The following TPST1 variants were observed in gnomAD, a reference collection of about 807,000 sequenced individuals.
The protein encoded by TPST1 is protein-tyrosine sulfotransferase 1.
TPST1 carries 20 observed loss-of-function variants against 34.8 expected under a neutral mutation model. The observed-to-expected ratio is 0.57, with a 90% CI of 0.40 to 0.84. The LOEUF is 0.84. Ranked by LOEUF, TPST1 falls within the 40% of genes least tolerant of loss-of-function variation. TPST1 has a pLI of 0.00. For missense variants in TPST1, 353 were observed against 455.5 expected, an observed-to-expected ratio of 0.78 and a Z score of 2.05; for synonymous variants, 152 against 159.4, an observed-to-expected ratio of 0.95 and a Z score of 0.35.
At chr7:66,233,828 G>T (rs1208849881) in intron 1 of TPST1, among the ~76,000 whole-genome samples, 1 of 152,040 alleles carries the variant, frequency 6.6e-6, no homozygotes, top group Non-Finnish European at 1.5e-5. Context: ...TTTCCCTCTT[G>T]GTCACTGCCT....
chr7:66,317,265 G>A (rs556657596), intron 3 of TPST1, among the ~76,000 whole-genome samples: 1 of 151,700 alleles, frequency 6.6e-6, no homozygotes, highest in Admixed American at 6.6e-5. Flanking sequence ...TTTTGGTGGG[G>A]GGTTTGCTTA....
chr7:66,236,939 T>C (rs1789923559), intron 1 of TPST1, among the ~76,000 whole-genome samples: 1 of 152,186 alleles, frequency 6.6e-6, no homozygotes, highest in Non-Finnish European at 1.5e-5. Context: ...AGTAAGGCAT[T>C]TGTCCTCTGC....
chr7:66,204,609 AC>A (rs1789082675), upstream of TPST1, among the ~76,000 whole-genome samples: 2 of 152,108 alleles, frequency 1.3e-5, no homozygotes, highest in Admixed American at 6.5e-5. Context: ...CTTTGACAGA[AC>A]CTGGTGTAGA....
intron 3 of TPST1, among the ~76,000 whole-genome samples, chr7:66,323,580 A>G (rs920990788): frequency 5.9e-5 from 9 of 152,242 alleles, no homozygotes; most frequent in Non-Finnish European, 1.2e-4. Context: ...CATCGAAACT[A>G]AAAACTTTTG....
intron 3 of TPST1, among the ~76,000 whole-genome samples, chr7:66,303,450 C>T (rs1266533224): frequency 1.0e-5 from 1 of 97,658 alleles, no homozygotes; most frequent in Non-Finnish European, 2.2e-5. Flanking sequence ...CATTCTGTCA[C>T]CCAGGCTGGA....
intron 3 of TPST1, among the ~76,000 whole-genome samples, chr7:66,350,756 C>T (rs1792460568): frequency 2.0e-5 from 3 of 152,150 alleles, no homozygotes; most frequent in South Asian, 4.2e-4. Flanking sequence ...GTTACAATCG[C>T]GATTCCGGTG....
At chr7:66,294,563 T>A (rs1267165060) in intron 3 of TPST1, among the ~76,000 whole-genome samples, 1 of 151,412 alleles carries the variant, frequency 6.6e-6, no homozygotes, top group Admixed American at 6.6e-5. Flanking sequence ...GAGGGCAAAT[T>A]AAAAAAAACA....
chr7:66,318,600 C>T (rs1791684860), intron 3 of TPST1, among the ~76,000 whole-genome samples: 1 of 151,916 alleles, frequency 6.6e-6, no homozygotes, highest in Non-Finnish European at 1.5e-5. Flanking sequence ...CCGAGTAGCT[C>T]CTACTACAGG....
intron 3 of TPST1, among the ~76,000 whole-genome samples, chr7:66,331,543 AT>A (rs1714971773): frequency 6.6e-6 from 1 of 152,206 alleles, no homozygotes; most frequent in South Asian, 2.1e-4. Context: ...TCACTTCTGC[AT>A]TTGATCACAT....
intron 3 of TPST1, among the ~76,000 whole-genome samples, chr7:66,342,003 G>T (rs1792248360): frequency 6.6e-6 from 1 of 152,086 alleles, no homozygotes; most frequent in South Asian, 2.1e-4. Context: ...GAAAAGATAA[G>T]AAACTTAGAA....
chr7:66,282,233 C>T (rs1276034020), intron 2 of TPST1, among the ~76,000 whole-genome samples: 1 of 152,154 alleles, frequency 6.6e-6, no homozygotes, highest in Non-Finnish European at 1.5e-5. Flanking sequence ...GAAAATTAGG[C>T]TCTCAGTTCC....
intron 3 of TPST1, among the ~76,000 whole-genome samples, chr7:66,326,725 C>G (rs1353391704): frequency 6.6e-6 from 1 of 152,168 alleles, no homozygotes; most frequent in African/African-American, 2.4e-5. Context: ...TCCATCTTGT[C>G]CAACTTCATT....
At chr7:66,200,542 C>T (rs1198850995), upstream of TPST1, among the ~76,000 whole-genome samples, 3 of 151,774 alleles carry the variant, frequency 2.0e-5, no homozygotes, top group African/African-American at 7.3e-5. Flanking sequence ...GCCTCAGCCT[C>T]CCGGGTAGCT....
chr7:66,298,689 T>C (rs1791250735), intron 3 of TPST1, among the ~76,000 whole-genome samples: 1 of 152,238 alleles, frequency 6.6e-6, no homozygotes, highest in South Asian at 2.1e-4. Context: ...TCTCTTTTCC[T>C]GCCTTCTTTT....
At chr7:66,293,073 G>C (rs1470698093) in intron 3 of TPST1, among the ~76,000 whole-genome samples, 1 of 152,100 alleles carries the variant, frequency 6.6e-6, no homozygotes, top group African/African-American at 2.4e-5. Flanking sequence ...AGGCGTGGTG[G>C]TGGGCGCCTG....
At chr7:66,239,867 TTTTTG>T (rs565496187) in intron 1 of TPST1, among the ~76,000 whole-genome samples, 13 of 152,186 alleles carry the variant, frequency 8.5e-5, no homozygotes, top group Middle Eastern at 3.4e-3. Context: ...TACTCATTTG[TTTTTG>T]TTTTGTTTTG....
intron 2 of TPST1, among the ~76,000 whole-genome samples, chr7:66,275,063 G>A (rs954386111): frequency 6.6e-6 from 1 of 151,992 alleles, no homozygotes; most frequent in East Asian, 1.9e-4. Flanking sequence ...GTGTGGTGGC[G>A]GGTGCCTGTA....
rs1400573832 is a variant in TPST1, at chr7:66,235,049, T to C, written c.-101-5276T>C. Among the ~76,000 whole-genome samples the C allele has an allele frequency of 5.3e-5, 8 of 152,264 alleles. 1 individual carries two copies. The highest frequency in any genetic ancestry group is 1.2e-4 in the Non-Finnish European group (8 of 68,010). ...AATGTTATTGTATAATAGGATCGAC[T>C]CTTCTCTGTTTTCTACATTATTCTC... On this transcript the variant is annotated intron_variant, in intron 1 of 5. Transcript: ENST00000304842.
intron 1 of TPST1, among the ~76,000 whole-genome samples, chr7:66,216,801 A>G (rs1183324232): frequency 6.6e-6 from 1 of 152,204 alleles, no homozygotes; most frequent in Non-Finnish European, 1.5e-5. Context: ...TTAAGGGAGA[A>G]AGTTAGGTTG....
Sources: gnomAD v4.1 joint callset for allele counts (sites outside exome capture counted in the v4.1 genomes callset) on GRCh38, gnomAD v4.1.1 for gene constraint, MANE v1.5 for transcripts, NCBI Gene and HGNC (gene_info 2026-07-23, HGNC 2026-07-21) for gene names.